GALNT10: variants seen among roughly 807,000 people sequenced by gnomAD.
The protein encoded by GALNT10 is polypeptide N-acetylgalactosaminyltransferase 10, also known as GalNAc transferase 10.
Under a neutral mutation model 75.0 loss-of-function variants are expected in GALNT10, and 41 were observed. The ratio of observed to expected loss-of-function variants is 0.55; its 90% CI spans 0.43 to 0.71. The LOEUF is 0.71. GALNT10 is among the 30% of genes least tolerant of loss of function. The pLI, the probability that GALNT10 is intolerant of heterozygous loss-of-function variation, is 0.00. For missense variants in GALNT10, 727 were observed against 818.5 expected, an observed-to-expected ratio of 0.89 and a Z score of 1.36; for synonymous variants, 302 against 313.0, an observed-to-expected ratio of 0.96 and a Z score of 0.37.
At chr5:154,400,796 G>A (rs1345898659) in intron 7 of GALNT10, among the ~76,000 whole-genome samples, 1 of 152,116 alleles carries the variant, frequency 6.6e-6, no homozygotes, top group African/African-American at 2.4e-5. Flanking sequence ...GGAGTCAATG[G>A]GTGTGGTGAG....
intron 4 of GALNT10, among the ~76,000 whole-genome samples, chr5:154,360,236 G>T (rs1755362634): frequency 6.6e-6 from 1 of 151,978 alleles, no homozygotes. Flanking sequence ...GATCACTTGA[G>T]GTCAGGAGTT....
chr5:154,338,348 T>G, intron 4 of GALNT10: 3 of 481,886 alleles, frequency 6.2e-6, no homozygotes, highest in South Asian at 5.8e-5. Context: ...AATTTGAGGC[T>G]GAGATTTGAG....
At chr5:154,382,579 G>C (rs1012650647) in intron 6 of GALNT10, among the ~76,000 whole-genome samples, 1 of 152,146 alleles carries the variant, frequency 6.6e-6, no homozygotes, top group Non-Finnish European at 1.5e-5. Context: ...AGGATCCTCA[G>C]GTCTAGGTAG....
chr5:154,357,189 A>C (rs542926565), intron 4 of GALNT10, among the ~76,000 whole-genome samples: 1 of 152,312 alleles, frequency 6.6e-6, no homozygotes, highest in South Asian at 2.1e-4. Context: ...GGTTTGGTGT[A>C]AGGGAACTAC....
intron 3 of GALNT10, among the ~76,000 whole-genome samples, chr5:154,310,336 C>T (rs528247574): frequency 2.6e-5 from 4 of 151,862 alleles, no homozygotes; most frequent in Non-Finnish European, 4.4e-5. Flanking sequence ...AGGTTGTTAG[C>T]GAGGCTGTTG....
chr5:154,346,628 G>A (rs972601373), intron 4 of GALNT10, among the ~76,000 whole-genome samples: 5 of 152,176 alleles, frequency 3.3e-5, no homozygotes, highest in Admixed American at 6.5e-5. Context: ...TACAGGAGCC[G>A]CCTTGGCAGT....
chr5:154,245,281 A>C (rs1753403893), intron 1 of GALNT10, among the ~76,000 whole-genome samples: 1 of 152,230 alleles, frequency 6.6e-6, no homozygotes, highest in Admixed American at 6.5e-5. Context: ...CTTGGTCACC[A>C]GTCGGATACG....
At chr5:154,272,576 C>T (rs914034695) in intron 1 of GALNT10, among the ~76,000 whole-genome samples, 3 of 152,170 alleles carry the variant, frequency 2.0e-5, no homozygotes, top group African/African-American at 7.2e-5. Context: ...TGGGGGTCAG[C>T]GCCACTCACC....
intron 1 of GALNT10, among the ~76,000 whole-genome samples, chr5:154,281,995 C>G (rs1754044968): frequency 6.6e-6 from 1 of 152,140 alleles, no homozygotes; most frequent in South Asian, 2.1e-4. Flanking sequence ...CTGTTTTGTG[C>G]TATAATAACA....
chr5:154,311,020 T>C (rs1305802668), intron 3 of GALNT10, among the ~76,000 whole-genome samples: 1 of 152,236 alleles, frequency 6.6e-6, no homozygotes, highest in African/African-American at 2.4e-5. Context: ...TGAAGATAAA[T>C]AATCTACAGC....
At position 154,409,561 on chromosome 5, in the gene GALNT10, A is replaced by C. The variant is rs968419437; in HGVS notation, c.1185A>C (p.Glu395Asp). The C allele has an allele frequency of 6.2e-7, 1 of 1,613,378 alleles. No homozygotes were observed. ...CATAGAACCTTAAGCGGGTGGCCGA[A>C]GTGTGGATGGATGAGTACGCAGAGT... ...SLARNLKRVA[E>D]VWMDEYAEYI... The change falls in exon 9 of 12, where the codon GAA becomes GAC. Residue 395 changes from glutamate (E) to aspartate (D), a missense_variant. Glu to Asp is a conservative substitution (Grantham distance 45). Transcript: ENST00000297107. This position sits in a 1 kb window ranked among gnomAD's most constrained non-coding sequence, Gnocchi z 4.5.
intron 3 of GALNT10, among the ~76,000 whole-genome samples, chr5:154,325,333 G>GA (rs1754740486): frequency 6.6e-6 from 1 of 151,874 alleles, no homozygotes; most frequent in African/African-American, 2.4e-5. Context: ...ATATATTGTA[G>GA]AAAAAAGCAA....
At chr5:154,406,368 C>T in intron 8 of GALNT10, 1 of 152,234 alleles carries the variant, frequency 6.6e-6, no homozygotes, top group East Asian at 1.9e-4. Flanking sequence ...CTCATGGCTT[C>T]TTCCCCAGGG....
intron 3 of GALNT10, among the ~76,000 whole-genome samples, chr5:154,321,974 A>C (rs960303462): frequency 1.3e-5 from 2 of 152,210 alleles, no homozygotes; most frequent in African/African-American, 4.8e-5. Flanking sequence ...CACCCTGGGC[A>C]AAAGGGTATC....
intron 1 of GALNT10, among the ~76,000 whole-genome samples, chr5:154,261,062 G>A (rs1753691800): frequency 6.6e-6 from 1 of 152,106 alleles, no homozygotes; most frequent in Non-Finnish European, 1.5e-5. Context: ...GCTGGGGCGG[G>A]GGTGGGGACA....
At chr5:154,304,775 A>T (rs1754406652) in intron 3 of GALNT10, among the ~76,000 whole-genome samples, 1 of 152,198 alleles carries the variant, frequency 6.6e-6, no homozygotes, top group African/African-American at 2.4e-5. Flanking sequence ...CAACATAAAG[A>T]TTGAAGGGGA....
At chr5:154,253,427 G>C (rs1481268109) in intron 1 of GALNT10, among the ~76,000 whole-genome samples, 1 of 151,154 alleles carries the variant, frequency 6.6e-6, no homozygotes, top group African/African-American at 2.4e-5. Context: ...AGCATTAGGA[G>C]ATATACCTAA....
chr5:154,297,803 A>ATCCCCT (rs10679917), intron 2 of GALNT10, 138 bp from the exon 3 acceptor site: 1 of 184,032 alleles, frequency 5.4e-6, no homozygotes, highest in Non-Finnish European at 1.2e-5. Flanking sequence ...CTTTGTACTG[A>ATCCCCT]GCAAAAACTG....
intron 7 of GALNT10, among the ~76,000 whole-genome samples, chr5:154,390,525 G>A (rs777520270): frequency 2.6e-4 from 39 of 152,184 alleles, no homozygotes; most frequent in Non-Finnish European, 4.0e-4. Flanking sequence ...TACAGGCCTT[G>A]GTCTATAATC....
Sources: gnomAD v4.1 joint callset for allele counts (sites outside exome capture counted in the v4.1 genomes callset) on GRCh38, gnomAD v4.1.1 for gene constraint, Gnocchi (gnomAD v3.1) non-coding constraint, MANE v1.5 for transcripts, NCBI Gene and HGNC (gene_info 2026-07-23, HGNC 2026-07-21) for gene names.